Variants in YKT6 observed in about 807,000 individuals in gnomAD.
The protein encoded by YKT6 is synaptobrevin homolog YKT6.
In YKT6, 12 loss-of-function variants were observed where a neutral mutation model predicts 29.3. That is an observed-to-expected ratio of 0.41 (90% CI 0.26 to 0.66). The LOEUF (loss-of-function observed/expected upper bound fraction) is 0.66, where lower values mean the gene tolerates loss of function less well. YKT6 is among the 30% of genes least tolerant of loss of function. YKT6 has a pLI of 0.32. For synonymous variants in YKT6, 86 were observed against 94.3 expected (o/e 0.91, Z 0.51); for missense variants, 188 against 243.8 (o/e 0.77, Z 1.52).
chr7:44,206,490 GT>G lies in YKT6; in HGVS notation c.288+11del. On this transcript the variant is annotated splice_donor_region_variant and intron_variant, in intron 3 of 6. Coordinates refer to ENST00000223369, the MANE Select transcript of YKT6 (RefSeq NM_006555.4). ...GCCTTTACCTTGCTGGAGAAGGTGAGTTTTTTATTTGCCTCTCCTGGACTTG... is the reference window on the plus strand; with the variant it reads ...GCCTTTACCTTGCTGGAGAAGGTGAGTTTTTATTTGCCTCTCCTGGACTTG... 2 of 1,613,224 alleles carry G rather than the reference GT, an allele frequency of 1.2e-6. No homozygotes were observed. Among genetic ancestry groups the G allele is most frequent in the Non-Finnish European group, 1.7e-6 (2 of 1,179,602 alleles).
chr7:44,208,333 C>A (rs963127111), intron 5 of YKT6, 135 bp downstream of exon 5: 30 of 896,854 alleles, frequency 3.3e-5, no homozygotes, highest in Admixed American at 6.3e-5. Context: ...GATTGCCCAC[C>A]CCTTCCCCCA....
chr7:44,208,884 A>C (rs1004912322), intron 5 of YKT6, among the ~76,000 whole-genome samples: 1 of 152,094 alleles, frequency 6.6e-6, no homozygotes. Context: ...ATTGATCTGC[A>C]CAACTTAGAA....
At position 44,211,672 on chromosome 7, in the gene YKT6, A is replaced by G. The variant is rs140330632; in HGVS notation, c.561+548A>G. 4.1e-5 allele frequency: 40 copies of G among 965,134 alleles called. No homozygotes were observed. The Admixed American group carries it at 1.5e-3, about 35-fold the overall frequency. The allele number at this position is 965,134 out of a possible 1,614,324, so 59.8% of individuals were successfully genotyped here. A position where few individuals can be genotyped will look rare whatever the true frequency, so the allele number is the denominator to read the frequency against. On this transcript the variant is annotated intron_variant, in intron 6 of 6. Transcript: ENST00000223369. ...CCATGGTTGGATAGTCATAGGGACA[A>G]ATTTACTTGGTCTGTCCACACACAT...
chr7:44,211,869 G>A (rs2096347184), intron 6 of YKT6, among the ~76,000 whole-genome samples: 1 of 152,218 alleles, frequency 6.6e-6, no homozygotes, highest in Non-Finnish European at 1.5e-5. Flanking sequence ...CCACCGTGGT[G>A]GTCAGATAGC....
At position 44,211,064 on chromosome 7, in the gene YKT6, A is replaced by C. The variant is rs1278966425; in HGVS notation, c.501A>C (p.Leu167=). ...MESLLERGEK[L]DDLVSKSEVL... is the part of the protein sequence containing the mutation. Reference sequence around the variant, plus strand: ...CTCTGTTAGAGCGAGGTGAGAAGCTAGATGACTTGGTGTCCAAATCCGAGG... The same window carrying C: ...CTCTGTTAGAGCGAGGTGAGAAGCTCGATGACTTGGTGTCCAAATCCGAGG... Residue 167 remains leucine, a synonymous_variant, in exon 6 of 7, where the codon CTA becomes CTC. Transcript: ENST00000223369. The C allele has an allele frequency of 1.2e-6, 2 of 1,614,094 alleles. No individual in the cohort carries two copies. Among genetic ancestry groups the C allele is most frequent in the Middle Eastern group, 1.7e-4 (1 of 6,016 alleles).
chr7:44,210,838 C>G, intron 5 of YKT6, 185 bp from the exon 6 acceptor site: 2 of 665,254 alleles, frequency 3.0e-6, no homozygotes, highest in Non-Finnish European at 2.7e-6. Flanking sequence ...GGGAATGTCA[C>G]CAGGTTCTGT....
rs976486557 is a variant in YKT6 at position 44,212,383 on chromosome 7, G to A, written c.*101G>A. The A allele has an allele frequency of 1.4e-6, 2 of 1,477,790 alleles. No homozygotes were observed. The highest frequency in any genetic ancestry group is 1.4e-5 in the African/African-American group (1 of 71,818). 91.5% of individuals were successfully genotyped at this position (1,477,790 alleles called of 1,614,324 possible). ...ACAGCCATAGACGAGGAGCCAGAGT[G>A]GGGGCAGACTGGCCATTTTTATTTT... On this transcript the variant is annotated 3_prime_UTR_variant, in exon 7 of 7. Transcript: ENST00000223369.
intron 4 of YKT6, 123 bp downstream of exon 4, chr7:44,207,615 C>T: frequency 1.3e-6 from 1 of 785,648 alleles, no homozygotes; most frequent in Non-Finnish European, 2.1e-6. Flanking sequence ...CTGGTGTCCT[C>T]TCTCAAGCCT....
chr7:44,212,061 C>T (rs772435740), intron 6 of YKT6, among the ~76,000 whole-genome samples, 186 bp from the exon 7 acceptor site: 2 of 152,190 alleles, frequency 1.3e-5, no homozygotes, highest in Non-Finnish European at 2.9e-5. Context: ...CGGGGCCCGC[C>T]TTGTGCTTGG....
intron 6 of YKT6, 133 bp downstream of exon 6, chr7:44,211,257 G>A: frequency 1.1e-6 from 1 of 892,478 alleles, no homozygotes; most frequent in Non-Finnish European, 1.7e-6. Flanking sequence ...TCCTTGTGCG[G>A]CAAGAGCCTA....
At chr7:44,208,256 G>A in intron 5 of YKT6, 58 bp downstream of exon 5, 1 of 1,565,294 alleles carries the variant, frequency 6.4e-7, no homozygotes, top group Non-Finnish European at 8.8e-7. Flanking sequence ...GATTTCCACT[G>A]GCCAGGCATG....
chr7:44,211,196 C>T, intron 6 of YKT6, 72 bp downstream of exon 6: 1 of 1,314,344 alleles, frequency 7.6e-7, no homozygotes, highest in South Asian at 1.2e-5. Context: ...GCTTCTGGCA[C>T]TCTCCACTAT....
At position 44,208,542 on chromosome 7, in the gene YKT6, C is replaced by T. The variant is rs77707539; in HGVS notation, c.459+344C>T. 933 of 308,296 alleles carry T rather than the reference C, an allele frequency of 3.0e-3. 7 individuals carry two copies. Among genetic ancestry groups the T allele is most frequent in the East Asian group, 0.017 (218 of 13,136 alleles). The allele number at this position is 308,296 out of a possible 1,614,324, so 19.1% of individuals were successfully genotyped here. A position where few individuals can be genotyped will look rare whatever the true frequency, so the allele number is the denominator to read the frequency against. ...CACCCTGGTGCCTTTGTTAGGGTTT[C>T]GGGTGCCTCCACACCCCACAGGTGC... On this transcript the variant is annotated intron_variant, in intron 5 of 6. Transcript: ENST00000223369.
At chr7:44,207,582 A>T (rs935116941) in intron 4 of YKT6, 90 bp downstream of exon 4, 4 of 1,102,962 alleles carry the variant, frequency 3.6e-6, no homozygotes, top group Non-Finnish European at 5.4e-6. Context: ...TTCTGGTCTA[A>T]TTACTTCTGA....
rs571797602 is a variant in YKT6, at chr7:44,205,913, C to T, written c.188-472C>T. ...TTGCTATAATATGGAAGACTGAGGCCCTGGGGGGTAATTTCCTGTCTTTTG... is the reference window on the plus strand; with the variant it reads ...TTGCTATAATATGGAAGACTGAGGCTCTGGGGGGTAATTTCCTGTCTTTTG... On this transcript the variant is annotated intron_variant, in intron 2 of 6. Transcript: ENST00000223369. 1.2e-4 allele frequency among the ~76,000 whole-genome samples: 19 copies of T among 152,252 alleles called. No homozygotes were observed. The South Asian group carries it at 3.7e-3, about 30-fold the overall frequency.
chr7:44,201,004 G>A lies in YKT6; in HGVS notation c.-132G>A, dbSNP rs1015916033. ...GATTGCGAGCCAGGAGGAGGAAGCCGGCGGTGGCCCCGTCAGCAGCCGGCT... is the reference window on the plus strand; with the variant it reads ...GATTGCGAGCCAGGAGGAGGAAGCCAGCGGTGGCCCCGTCAGCAGCCGGCT... On this transcript the variant is annotated 5_prime_UTR_variant, in exon 1 of 7. Transcript: ENST00000223369. 1.5e-6 allele frequency: 1 copy of A among 656,044 alleles called. No individual in the cohort carries two copies. Among genetic ancestry groups the A allele is most frequent in the East Asian group, 3.3e-5 (1 of 30,246 alleles). 40.6% of individuals were successfully genotyped at this position (656,044 alleles called of 1,614,324 possible).
At chr7:44,205,915 TG>T (rs541921920) in intron 2 of YKT6, among the ~76,000 whole-genome samples, 1 of 152,242 alleles carries the variant, frequency 6.6e-6, no homozygotes, top group East Asian at 1.9e-4. Context: ...ACTGAGGCCC[TG>T]GGGGGTAATT....
rs191972027 is a variant in YKT6, at chr7:44,208,410, A to T, written c.459+212A>T. 6.7e-5 allele frequency: 35 copies of T among 521,364 alleles called. 1 individual carries two copies. In the Admixed American group the frequency reaches 1.1e-3, roughly 17 times the overall value. The allele number at this position is 521,364 out of a possible 1,614,324, so 32.3% of individuals were successfully genotyped here. On this transcript the variant is annotated intron_variant, in intron 5 of 6. Coordinates refer to ENST00000223369, the MANE Select transcript of YKT6 (RefSeq NM_006555.4). ...TAATGGCACCCATTGTTTCTAGGGG[A>T]CCAAGCTGGGAACCAGTGGAACCCT...
chr7:44,214,236 A>G lies in YKT6; in HGVS notation c.*1954A>G, dbSNP rs2096349862. ...GACTGTATTTTAGTAACTGCTGCCTAACTTCCCTGTGTTCTATTTGAGAGG... is the reference window on the plus strand; with the variant it reads ...GACTGTATTTTAGTAACTGCTGCCTGACTTCCCTGTGTTCTATTTGAGAGG... On this transcript the variant is annotated 3_prime_UTR_variant, in exon 7 of 7. Coordinates refer to ENST00000223369, the MANE Select transcript of YKT6 (RefSeq NM_006555.4). The G allele has an allele frequency of 6.6e-6, 1 of 152,226 alleles. No individual in the cohort carries two copies. Among genetic ancestry groups the G allele is most frequent in the Non-Finnish European group, 1.5e-5 (1 of 68,058 alleles). The allele number at this position is 152,226 out of a possible 1,614,324, so 9.4% of individuals were successfully genotyped here. A position where few individuals can be genotyped will look rare whatever the true frequency, so the allele number is the denominator to read the frequency against.
Sources: allele counts gnomAD v4.1 joint callset (sites outside exome capture counted in the v4.1 genomes callset), GRCh38; gene constraint gnomAD v4.1.1; transcripts MANE v1.5; gene names NCBI Gene and HGNC (gene_info 2026-07-23, HGNC 2026-07-21).